NRP2: variants seen among roughly 807,000 people sequenced by gnomAD.
NRP2 encodes neuropilin 2, also known as neuropilin-2.
In NRP2, 52 loss-of-function variants were observed where a neutral mutation model predicts 110.4. The ratio of observed to expected loss-of-function variants is 0.47; its 90% CI spans 0.38 to 0.59. NRP2 has a LOEUF of 0.59. NRP2 is among the 20% of genes least tolerant of loss of function. NRP2 has a pLI of 0.00. For synonymous variants in NRP2, 508 were observed against 468.9 expected (o/e 1.08, Z -1.08); for missense variants, 1,049 against 1,203.0 (o/e 0.87, Z 1.89).
chr2:205,797,714 C>T lies in NRP2; in HGVS notation c.*2656C>T, dbSNP rs2058362165. 6.6e-6 allele frequency: 1 copy of T among 152,612 alleles called. No individual in the cohort carries two copies. The highest frequency in any genetic ancestry group is 2.4e-5 in the African/African-American group (1 of 41,412). The allele number at this position is 152,612 out of a possible 1,614,324, so 9.5% of individuals were successfully genotyped here. On this transcript the variant is annotated 3_prime_UTR_variant, in exon 17 of 17. Transcript: ENST00000357785. ...TTTATCTGTGGGTAGGCTAGCTGAC[C>T]CATCTCCTTGAGTCATTCCCTTTGG...
In NRP2 at chr2:205,725,564, G is replaced by A. The variant is rs181513146; in HGVS notation, c.821-349G>A. On this transcript the variant is annotated intron_variant, in intron 5 of 16. Coordinates refer to ENST00000357785, the MANE Select transcript of NRP2 (RefSeq NM_003872.3). This position sits in a 1 kb window ranked among gnomAD's most constrained non-coding sequence, Gnocchi z 4.1. ...TGTATGAGCTCACCCAAATCGCCAC[G>A]AGTCTATCTCACATTTACCTGTATT... 2.6e-5 allele frequency among the ~76,000 whole-genome samples: 4 copies of A among 152,306 alleles called. No homozygotes were observed. In the East Asian group the frequency reaches 7.7e-4, roughly 29 times the overall value.
At chr2:205,733,461 C>A (rs2057280966) in intron 7 of NRP2, among the ~76,000 whole-genome samples, 1 of 152,122 alleles carries the variant, frequency 6.6e-6, no homozygotes. Context: ...TGGAGTGAAG[C>A]CCTCACCTGG....
intron 1 of NRP2, among the ~76,000 whole-genome samples, chr2:205,692,782 G>C (rs759749628): frequency 1.5e-4 from 23 of 152,166 alleles, no homozygotes; most frequent in Non-Finnish European, 2.6e-4. Flanking sequence ...TGTCTAGGAG[G>C]GTAGAGAATC....
chr2:205,690,523 G>C (rs1055986825), intron 1 of NRP2, among the ~76,000 whole-genome samples: 2 of 150,676 alleles, frequency 1.3e-5, no homozygotes, highest in Non-Finnish European at 2.9e-5. Flanking sequence ...ATCACCTGAG[G>C]TCAGGAGTTC....
chr2:205,784,537 A>G (rs1306721757), intron 15 of NRP2, among the ~76,000 whole-genome samples: 3 of 152,154 alleles, frequency 2.0e-5, no homozygotes, highest in African/African-American at 4.8e-5. Context: ...GAGATGCCTC[A>G]TTCGCCTTGG....
chr2:205,774,830 A>G (rs2058073988), intron 15 of NRP2, among the ~76,000 whole-genome samples: 1 of 152,202 alleles, frequency 6.6e-6, no homozygotes, highest in Non-Finnish European at 1.5e-5. Context: ...TTCACCAAGC[A>G]TTTATTGAGT....
intron 6 of NRP2, among the ~76,000 whole-genome samples, chr2:205,726,842 TAAGA>T (rs1210772270): frequency 6.6e-6 from 1 of 152,174 alleles, no homozygotes; most frequent in Non-Finnish European, 1.5e-5. Context: ...ACCTCTGCTC[TAAGA>T]AGGATATTGC....
chr2:205,721,752 T>C (rs983701045), intron 3 of NRP2, among the ~76,000 whole-genome samples: 1 of 152,198 alleles, frequency 6.6e-6, no homozygotes, highest in Non-Finnish European at 1.5e-5. Flanking sequence ...GCCTTCCAAA[T>C]GTCAATGCAC....
rs1559373307 is a variant in NRP2, at chr2:205,795,375, A to G, written c.*317A>G. On this transcript the variant is annotated 3_prime_UTR_variant, in exon 17 of 17. Coordinates refer to ENST00000357785, the MANE Select transcript of NRP2 (RefSeq NM_003872.3). ...TTTGTGAGTTTGTATTATTATTATTATTATTATTATTATTATATTTTATTT... is the reference window on the plus strand; with the variant it reads ...TTTGTGAGTTTGTATTATTATTATTGTTATTATTATTATTATATTTTATTT... 6.6e-6 allele frequency: 1 copy of G among 150,408 alleles called. No individual in the cohort carries two copies. The highest frequency in any genetic ancestry group is 2.4e-5 in the African/African-American group (1 of 40,984). 9.3% of individuals were successfully genotyped at this position (150,408 alleles called of 1,614,324 possible). A position where few individuals can be genotyped will look rare whatever the true frequency, so the allele number is the denominator to read the frequency against.
At chr2:205,722,805 T>G in intron 4 of NRP2, 97 bp downstream of exon 4, 3 of 943,086 alleles carry the variant, frequency 3.2e-6, no homozygotes, top group Non-Finnish European at 5.1e-6. Flanking sequence ...TCAAAGCTCC[T>G]ATGAGTTCTT....
chr2:205,721,858 C>T (rs543212703), intron 3 of NRP2, among the ~76,000 whole-genome samples: 34 of 152,242 alleles, frequency 2.2e-4, no homozygotes, highest in Non-Finnish European at 3.8e-4. Context: ...GTTAATTGTC[C>T]GACCACTACA....
chr2:205,749,922 T>G (rs10932123), intron 11 of NRP2, 81 bp downstream of exon 11: 680,359 of 1,091,580 alleles, frequency 0.62, 214,999 homozygotes, highest in Middle Eastern at 0.69. Context: ...AGGGACCTAG[T>G]GGTCCCCCAG....
intron 7 of NRP2, among the ~76,000 whole-genome samples, chr2:205,732,557 G>A (rs978057320): frequency 6.6e-5 from 10 of 152,224 alleles, no homozygotes; most frequent in African/African-American, 2.4e-4. Context: ...CGCTGCGGCT[G>A]CTATCGGCAA....
rs375155400 is a variant in NRP2 at position 205,743,379 on chromosome 2, G to C, written c.1468G>C (p.Val490Leu). ...CCAGCCCGGTGAGGAGTGGCTTCAGGTAGATCTGGGAACACCCAAGACAGT... is the reference window on the plus strand; with the variant it reads ...CCAGCCCGGTGAGGAGTGGCTTCAGCTAGATCTGGGAACACCCAAGACAGT... ...QAQPGEEWLQVDLGTPKTVKG... is the reference protein window; with the variant it reads ...QAQPGEEWLQLDLGTPKTVKG... Residue 490 changes from valine (V) to leucine (L), a missense_variant, in exon 9 of 17, where the codon GTA (valine) becomes CTA (leucine). Val to Leu is a conservative substitution (Grantham distance 32). Transcript: ENST00000357785. 3.7e-6 allele frequency: 6 copies of C among 1,614,118 alleles called. No homozygotes were observed. Among genetic ancestry groups the C allele is most frequent in the African/African-American group, 2.7e-5 (2 of 74,938 alleles).
At chr2:205,791,268 T>C (rs2058298813) in intron 15 of NRP2, among the ~76,000 whole-genome samples, 1 of 152,374 alleles carries the variant, frequency 6.6e-6, no homozygotes, top group East Asian at 1.9e-4. Context: ...GACTTCAAGA[T>C]TGTTTATCTG....
intron 10 of NRP2, 114 bp downstream of exon 10, chr2:205,746,004 G>T: frequency 1.7e-6 from 2 of 1,199,592 alleles, no homozygotes; most frequent in Non-Finnish European, 1.2e-6. Context: ...AGCTGGAAAT[G>T]CTGCAGACCC....
chr2:205,736,753 C>G (rs559053653), intron 7 of NRP2, among the ~76,000 whole-genome samples: 52 of 152,300 alleles, frequency 3.4e-4, no homozygotes, highest in African/African-American at 1.1e-3. Flanking sequence ...AGTGAGTTGT[C>G]AGGGAATAGG....
At position 205,700,953 on chromosome 2, in the gene NRP2, T is replaced by C. The variant is rs565555134; in HGVS notation, c.251+3232T>C. On this transcript the variant is annotated intron_variant, in intron 2 of 16. Transcript: ENST00000357785. ...CAAAAGGGCGAGACTACGGGCCGTC[T>C]GGGCAAACAGAGAGAAGCCACTTTA... is the stretch of plus-strand genomic sequence containing the variant. 126 of 321,196 alleles carry C rather than the reference T, an allele frequency of 3.9e-4. 1 individual carries two copies. Among genetic ancestry groups the C allele is most frequent in the African/African-American group, 1.7e-3 (79 of 45,990 alleles). 19.9% of individuals were successfully genotyped at this position (321,196 alleles called of 1,614,324 possible). A position where few individuals can be genotyped will look rare whatever the true frequency, so the allele number is the denominator to read the frequency against.
At chr2:205,705,259 G>T (rs1166576487) in intron 2 of NRP2, among the ~76,000 whole-genome samples, 2 of 151,758 alleles carry the variant, frequency 1.3e-5, no homozygotes, top group Non-Finnish European at 2.9e-5. Context: ...CTTCATTATG[G>T]GACATCGTGC....
Sources: allele counts gnomAD v4.1 joint callset (sites outside exome capture counted in the v4.1 genomes callset), GRCh38; gene constraint gnomAD v4.1.1; non-coding constraint Gnocchi (gnomAD v3.1); transcripts MANE v1.5; gene names NCBI Gene and HGNC (gene_info 2026-07-23, HGNC 2026-07-21).